FAM107B: variants seen among roughly 807,000 people sequenced by gnomAD.
The protein encoded by FAM107B is protein FAM107B.
FAM107B carries 21 observed loss-of-function variants against 31.5 expected under a neutral mutation model. The ratio of observed to expected loss-of-function variants is 0.67; its 90% CI spans 0.47 to 0.96. FAM107B has a LOEUF of 0.96. FAM107B is among the 40% of genes least tolerant of loss of function. The pLI, the probability that FAM107B is intolerant of heterozygous loss-of-function variation, is 0.00. For missense variants in FAM107B, 452 were observed against 377.1 expected (o/e 1.20, Z -1.64); for synonymous variants, 157 against 141.5 (o/e 1.11, Z -0.78).
chr10:14,728,035 GCCACCCTCCT>G (rs1856076249), intron 1 of FAM107B, among the ~76,000 whole-genome samples: 1 of 152,142 alleles, frequency 6.6e-6, no homozygotes, highest in African/African-American at 2.4e-5. Flanking sequence ...CTTATTCACT[GCCACCCTCCT>G]CCCCCCATAC....
chr10:14,594,603 A>G (rs1043180281), intron 2 of FAM107B, among the ~76,000 whole-genome samples: 3 of 152,150 alleles, frequency 2.0e-5, no homozygotes, highest in African/African-American at 4.8e-5. Flanking sequence ...CCTCAAACAC[A>G]TGGTGAAGGG....
At position 14,520,798 on chromosome 10, in the gene FAM107B, T is replaced by A. The variant is rs576265339; in HGVS notation, c.*392A>T. On this transcript the variant is annotated 3_prime_UTR_variant, in exon 5 of 5. Coordinates refer to ENST00000181796, the MANE Select transcript of FAM107B (RefSeq NM_031453.4). Reference sequence around the variant, plus strand: ...AACAAAAAGAGGAATTAAACACTTGTTTTTTAGCTTTTAAAAGAAAAAAGG... The same window carrying A: ...AACAAAAAGAGGAATTAAACACTTGATTTTTAGCTTTTAAAAGAAAAAAGG... 1 of 165,524 alleles carries A rather than the reference T, an allele frequency of 6.0e-6. No homozygotes were observed. The highest frequency in any genetic ancestry group is 2.0e-4 in the South Asian group (1 of 4,996). 10.3% of individuals were successfully genotyped at this position (165,524 alleles called of 1,614,324 possible). A position where few individuals can be genotyped will look rare whatever the true frequency, so the allele number is the denominator to read the frequency against.
At chr10:14,651,305 A>ATAAGATATATCCACAGC (rs1355634236) in intron 2 of FAM107B, among the ~76,000 whole-genome samples, 4 of 152,166 alleles carry the variant, frequency 2.6e-5, no homozygotes, top group Non-Finnish European at 5.9e-5. Flanking sequence ...CCATGTGTGG[A>ATAAGATATATCCACAGC]TAAGATATAT....
chr10:14,556,741 G>C (rs10508477), intron 2 of FAM107B, among the ~76,000 whole-genome samples: 76,415 of 152,102 alleles, frequency 0.5, 19,533 homozygotes, highest in South Asian at 0.68. Flanking sequence ...TAGCACCCAG[G>C]TTTTCGTTAT....
chr10:14,732,351 C>A (rs1307437360), intron 1 of FAM107B, among the ~76,000 whole-genome samples: 4 of 152,312 alleles, frequency 2.6e-5, no homozygotes, highest in Non-Finnish European at 5.9e-5. Flanking sequence ...GTCAGGGAGG[C>A]AGTGCCGTGT....
intron 2 of FAM107B, among the ~76,000 whole-genome samples, chr10:14,570,444 G>A (rs1339851046): frequency 6.6e-6 from 1 of 152,152 alleles, no homozygotes; most frequent in Admixed American, 6.5e-5. Context: ...GACAGGTACT[G>A]GAAATGCTGT....
chr10:14,631,354 C>T (rs956607150), intron 2 of FAM107B, among the ~76,000 whole-genome samples: 2 of 152,220 alleles, frequency 1.3e-5, no homozygotes, highest in Non-Finnish European at 2.9e-5. Context: ...CAAGATTTGT[C>T]ATGGCTTTCC....
At chr10:14,702,553 T>C (rs977070154) in intron 1 of FAM107B, among the ~76,000 whole-genome samples, 1 of 152,174 alleles carries the variant, frequency 6.6e-6, no homozygotes, top group Admixed American at 6.5e-5. Context: ...TTTCACCATG[T>C]TGGCCAGGCT....
chr10:14,698,101 G>A (rs1855308963), intron 1 of FAM107B, among the ~76,000 whole-genome samples: 1 of 151,852 alleles, frequency 6.6e-6, no homozygotes, highest in Admixed American at 6.6e-5. Flanking sequence ...CTCCAGCCTG[G>A]GCAACAGAGC....
At chr10:14,537,422 C>A (rs1847735072) in intron 2 of FAM107B, among the ~76,000 whole-genome samples, 1 of 152,206 alleles carries the variant, frequency 6.6e-6, no homozygotes, top group South Asian at 2.1e-4. Context: ...GGGCAACCCG[C>A]ATCTGCATTC....
chr10:14,632,471 C>A (rs557812758), intron 2 of FAM107B, among the ~76,000 whole-genome samples: 1 of 151,528 alleles, frequency 6.6e-6, no homozygotes, highest in East Asian at 2.0e-4. Context: ...ATTAGCTGGG[C>A]GTGGTGGCGG....
intron 1 of FAM107B, among the ~76,000 whole-genome samples, chr10:14,695,654 A>G (rs1855247962): frequency 6.6e-6 from 1 of 152,122 alleles, no homozygotes; most frequent in Non-Finnish European, 1.5e-5. Context: ...TTTATCTTCA[A>G]TTTATTTCAC....
At position 14,694,475 on chromosome 10, in the gene FAM107B, CT is replaced by C. The variant is rs1486829351; in HGVS notation, c.412-26785del. Reference sequence around the variant, plus strand: ...CTTGGCTCACTGCAACCTCTGCCTCCTGGGTTCAAGCGATTCTCCTGCCTCA... The same window carrying C: ...CTTGGCTCACTGCAACCTCTGCCTCCGGGTTCAAGCGATTCTCCTGCCTCA... On this transcript the variant is annotated intron_variant, in intron 1 of 4. Transcript: ENST00000181796. Among the ~76,000 whole-genome samples the C allele has an allele frequency of 5.3e-5, 8 of 152,288 alleles. No individual in the cohort carries two copies. In the East Asian group the frequency reaches 1.5e-3, roughly 29 times the overall value.
intron 1 of FAM107B, among the ~76,000 whole-genome samples, chr10:14,697,462 T>C (rs1564629213): frequency 6.6e-6 from 1 of 152,242 alleles, no homozygotes; most frequent in East Asian, 1.9e-4. Context: ...CAGGAATTAA[T>C]TGTAGGCCAA....
chr10:14,741,572 C>A (rs375813930), intron 1 of FAM107B, among the ~76,000 whole-genome samples: 2 of 152,112 alleles, frequency 1.3e-5, no homozygotes, highest in African/African-American at 4.8e-5. Flanking sequence ...ATCTGAGCCC[C>A]AAGGGGAGTC....
intron 1 of FAM107B, among the ~76,000 whole-genome samples, chr10:14,712,111 A>G (rs1855662895): frequency 6.6e-6 from 1 of 152,224 alleles, no homozygotes; most frequent in South Asian, 2.1e-4. Flanking sequence ...AACCCTAAGC[A>G]GTCAGCATCA....
chr10:14,631,525 T>C (rs1049379057), intron 2 of FAM107B, among the ~76,000 whole-genome samples: 2 of 152,198 alleles, frequency 1.3e-5, no homozygotes, highest in South Asian at 2.1e-4. Flanking sequence ...CAGATCAGAA[T>C]TGACTGTGAC....
At chr10:14,621,707 G>C (rs1853014444) in intron 2 of FAM107B, among the ~76,000 whole-genome samples, 1 of 152,244 alleles carries the variant, frequency 6.6e-6, no homozygotes, top group Non-Finnish European at 1.5e-5. Flanking sequence ...AGAGGAAGGA[G>C]CATAAACAAG....
intron 2 of FAM107B, among the ~76,000 whole-genome samples, chr10:14,605,092 G>C (rs1852555321): frequency 6.6e-6 from 1 of 152,210 alleles, no homozygotes; most frequent in African/African-American, 2.4e-5. Context: ...GACAGAATCA[G>C]GGAGGAAAAG....
Sources: allele counts gnomAD v4.1 joint callset (sites outside exome capture counted in the v4.1 genomes callset), GRCh38; gene constraint gnomAD v4.1.1; transcripts MANE v1.5; gene names NCBI Gene and HGNC (gene_info 2026-07-23, HGNC 2026-07-21).